APBA3: variants seen among roughly 807,000 people sequenced by gnomAD.
The protein encoded by APBA3 is amyloid-beta A4 precursor protein-binding family A member 3.
In APBA3, 45 loss-of-function variants were observed where a neutral mutation model predicts 55.9. The ratio of observed to expected loss-of-function variants is 0.80; its 90% CI spans 0.63 to 1.03. The LOEUF (loss-of-function observed/expected upper bound fraction) is 1.03. APBA3 is among the 50% of genes least tolerant of loss of function. The pLI, the probability that APBA3 is intolerant of heterozygous loss-of-function variation, is 0.00. For synonymous variants in APBA3, 370 were observed against 353.3 expected (o/e 1.05, Z -0.53); for missense variants, 865 against 820.3 (o/e 1.05, Z -0.67).
chr19:3,760,366 G>A, intron 1 of APBA3, 65 bp from the exon 2 acceptor site: 1 of 1,111,844 alleles, frequency 9.0e-7, no homozygotes, highest in Non-Finnish European at 1.2e-6. Flanking sequence ...TGTAATCCCA[G>A]AATTTTGGGA....
At chr19:3,754,407 C>T (rs954591263) in intron 3 of APBA3, 67 bp from the exon 4 acceptor site, 26 of 1,507,812 alleles carry the variant, frequency 1.7e-5, no homozygotes, top group Middle Eastern at 2.3e-4. Flanking sequence ...CCCAGGGCTA[C>T]GCTCTCCGAG....
chr19:3,758,215 T>C (rs2037102050), intron 3 of APBA3, among the ~76,000 whole-genome samples: 1 of 152,234 alleles, frequency 6.6e-6, no homozygotes, highest in Middle Eastern at 3.4e-3. Context: ...ATTATAGGCG[T>C]GAGCCACCGC....
At chr19:3,753,154 G>A (rs10411927) in intron 6 of APBA3, 164 bp from the exon 7 acceptor site, 273,789 of 750,696 alleles carry the variant, frequency 0.36, 51,757 homozygotes, top group East Asian at 0.5. Context: ...AGAGACAGCC[G>A]CATCTTGGGG....
chr19:3,759,523 C>T, intron 3 of APBA3, 38 bp downstream of exon 3: 2 of 1,568,640 alleles, frequency 1.3e-6, no homozygotes, highest in African/African-American at 1.4e-5. Flanking sequence ...TGTCTAGGGG[C>T]CTTCAGTGCC....
rs770877783 is a variant in APBA3 at position 3,760,134 on chromosome 19, G to C, written c.131C>G (p.Pro44Arg). 1 of 1,613,428 alleles carries C rather than the reference G, an allele frequency of 6.2e-7. No homozygotes were observed. The highest frequency in any genetic ancestry group is 2.2e-5 in the East Asian group (1 of 44,870). ...DSQWDPMPGGPGSLSRMELDE... is the reference protein window; with the variant it reads ...DSQWDPMPGGRGSLSRMELDE... ...AAGTTCCATCCGACTGAGGCTGCCG[G>C]GGCCTCCTGGCATAGGGTCCCACTG... is the stretch of plus-strand genomic sequence containing the variant. Residue 44 changes from proline to arginine, a missense_variant, in exon 2 of 11, where the codon CCC becomes CGC. Transcript: ENST00000316757.
At chr19:3,760,448 A>G in intron 1 of APBA3, 147 bp from the exon 2 acceptor site, 1 of 577,414 alleles carries the variant, frequency 1.7e-6, no homozygotes, top group Non-Finnish European at 3.0e-6. Context: ...CTCTCTCTAC[A>G]AAAAATACAA....
Position 3,752,876 on chromosome 19 carries a change from A to G in APBA3, c.1126T>C (p.Cys376Arg), listed in dbSNP as rs8102086. Residue 376 changes from cysteine (C) to arginine (R), a missense_variant, in exon 7 of 11, where the codon TGC becomes CGC. Physicochemically the swap from Cys to Arg is radical, Grantham distance 180. Coordinates refer to ENST00000316757, the MANE Select transcript of APBA3 (RefSeq NM_004886.4). Reference protein sequence around the residue: ...QVGVHPSPGACHLHNGDLDHF... With the variant: ...QVGVHPSPGARHLHNGDLDHF... Reference sequence around the variant, plus strand: ...TCCAGGTCCCCATTATGGAGGTGGCAGGCGCCTGGGCTCGGGTGCACGCCC... The same window carrying G: ...TCCAGGTCCCCATTATGGAGGTGGCGGGCGCCTGGGCTCGGGTGCACGCCC... 0.55 allele frequency: 884,420 copies of G among 1,613,094 alleles called. 245,557 individuals carry two copies. The highest frequency in any genetic ancestry group is 0.7 in the Admixed American group (42,110 of 60,022).
intron 5 of APBA3, 38 bp from the exon 6 acceptor site, chr19:3,753,964 C>T (rs374251473): frequency 1.8e-5 from 28 of 1,565,570 alleles, no homozygotes; most frequent in African/African-American, 1.8e-4. Flanking sequence ...GTTGGGGGGC[C>T]GTGCCAGGCT....
Position 3,759,694 on chromosome 19 carries a change from C to CACCAGCGGGTGGCTCTTCAGGTG in APBA3, c.548_570dup (p.Ala191HisfsTer81), listed in dbSNP as rs1568395870. ...GAGGGCGGGGCGGGCACTACCTGGGCACCAGCGGGTGGCTCTTCAGGTGTG... is the reference window on the plus strand; with the variant it reads ...GAGGGCGGGGCGGGCACTACCTGGGCACCAGCGGGTGGCTCTTCAGGTGACCAGCGGGTGGCTCTTCAGGTGTG... On this transcript the variant is annotated frameshift_variant, in exon 2 of 11. Coordinates refer to ENST00000316757, the MANE Select transcript of APBA3 (RefSeq NM_004886.4). LOFTEE classifies it high-confidence loss of function. The CACCAGCGGGTGGCTCTTCAGGTG allele has an allele frequency of 1.2e-6, 2 of 1,611,984 alleles. No individual in the cohort carries two copies. Among genetic ancestry groups the CACCAGCGGGTGGCTCTTCAGGTG allele is most frequent in the Non-Finnish European group, 1.7e-6 (2 of 1,179,562 alleles).
At chr19:3,759,276 G>A (rs972213298) in intron 3 of APBA3, among the ~76,000 whole-genome samples, 1 of 152,174 alleles carries the variant, frequency 6.6e-6, no homozygotes, top group Admixed American at 6.5e-5. Context: ...AGACCTACGT[G>A]AGCAGGCAGT....
At chr19:3,757,569 T>C (rs1441916127) in intron 3 of APBA3, among the ~76,000 whole-genome samples, 1 of 152,102 alleles carries the variant, frequency 6.6e-6, no homozygotes, top group East Asian at 1.9e-4. Context: ...CCGTCTCTAC[T>C]AAAAATATAA....
At chr19:3,760,466 A>T (rs1317101706) in intron 1 of APBA3, among the ~76,000 whole-genome samples, 165 bp from the exon 2 acceptor site, 1 of 152,142 alleles carries the variant, frequency 6.6e-6, no homozygotes, top group Admixed American at 6.6e-5. Context: ...CAAAAAATTA[A>T]GGCCGGGCAC....
At chr19:3,758,988 G>A (rs982290711) in intron 3 of APBA3, among the ~76,000 whole-genome samples, 2 of 152,196 alleles carry the variant, frequency 1.3e-5, no homozygotes, top group African/African-American at 4.8e-5. Flanking sequence ...CTGGGAGGCT[G>A]AGGCAGGCAG....
In APBA3 at chr19:3,753,668, C is replaced by T. The variant is rs945342965; in HGVS notation, c.1011+97G>A. The T allele has an allele frequency of 5.4e-5, 66 of 1,212,698 alleles. 1 individual carries two copies. In the South Asian group the frequency reaches 1.0e-3, roughly 19 times the overall value. 75.1% of individuals were successfully genotyped at this position (1,212,698 alleles called of 1,614,324 possible). A position where few individuals can be genotyped will look rare whatever the true frequency, so the allele number is the denominator to read the frequency against. The stretch of plus-strand genomic sequence containing the variant: ...CCCAAAAAAAGAATTTAAAAATAAG[C>T]TTATGGGAGGGAGGTTAAATGCACG... On this transcript the variant is annotated intron_variant, in intron 6 of 10. Transcript: ENST00000316757.
In APBA3 at chr19:3,752,500, A is replaced by G. The variant is rs776786514; in HGVS notation, c.1395+8T>C. On this transcript the variant is annotated splice_region_variant and intron_variant, in intron 8 of 10. Transcript: ENST00000316757. The stretch of plus-strand genomic sequence containing the variant: ...AGTGTGGGGGCCCTGCCACACCAGG[A>G]AACTCACGCGGACAGCGGCCTGGCA... 5 of 1,562,828 alleles carry G rather than the reference A, an allele frequency of 3.2e-6. No individual in the cohort carries two copies. In the South Asian group the frequency reaches 5.8e-5, roughly 18 times the overall value.
chr19:3,759,442 A>C, intron 3 of APBA3, 119 bp downstream of exon 3: 1 of 1,034,312 alleles, frequency 9.7e-7, no homozygotes, highest in Non-Finnish European at 1.4e-6. Context: ...GCTCGAAACC[A>C]CCCTCAGAGG....
chr19:3,759,912 C>A lies in APBA3; in HGVS notation c.353G>T (p.Cys118Phe). 6.2e-7 allele frequency: 1 copy of A among 1,611,626 alleles called. No individual in the cohort carries two copies. The highest frequency in any genetic ancestry group is 1.1e-5 in the South Asian group (1 of 91,000). ...GRDDLLGLLHCEECPPSQTGP... is the reference protein window; with the variant it reads ...GRDDLLGLLHFEECPPSQTGP... ...AGTCTGGGAAGGCGGGCATTCCTCG[C>A]AGTGCAAGAGGCCCAGCAGGTCATC... The change falls in exon 2 of 11, where the codon TGC (cysteine) becomes TTC (phenylalanine). Residue 118 changes from cysteine (C) to phenylalanine (F), a missense_variant. Physicochemically the swap from Cys to Phe is radical, Grantham distance 205. Coordinates refer to ENST00000316757, the MANE Select transcript of APBA3 (RefSeq NM_004886.4).
Position 3,754,206 on chromosome 19 carries a change from C to G in APBA3, c.751G>C (p.Asp251His). 1 of 1,541,940 alleles carries G rather than the reference C, an allele frequency of 6.5e-7. No homozygotes were observed. Among genetic ancestry groups the G allele is most frequent in the Non-Finnish European group, 8.7e-7 (1 of 1,143,134 alleles). ...TRMAQAREAM[D>H]RVKAPDGETQ... The stretch of plus-strand genomic sequence containing the variant: ...GGCCGCCCCCTCACCTTGACGCGGT[C>G]CATGGCCTCCCGGGCCTGGGCCATG... Residue 251 changes from aspartate (D) to histidine (H), a missense_variant, in exon 4 of 11, where the codon GAC becomes CAC. Coordinates refer to ENST00000316757, the MANE Select transcript of APBA3 (RefSeq NM_004886.4).
chr19:3,754,407 C>A, intron 3 of APBA3, 67 bp from the exon 4 acceptor site: 1 of 1,507,812 alleles, frequency 6.6e-7, no homozygotes, highest in Admixed American at 2.7e-5. Flanking sequence ...CCCAGGGCTA[C>A]GCTCTCCGAG....
Sources: gnomAD v4.1 joint callset for allele counts (sites outside exome capture counted in the v4.1 genomes callset) on GRCh38, gnomAD v4.1.1 for gene constraint, MANE v1.5 for transcripts, NCBI Gene and HGNC (gene_info 2026-07-23, HGNC 2026-07-21) for gene names.